The following FAF1 variants were observed in gnomAD, a reference collection of about 807,000 sequenced individuals.
FAF1 encodes the protein Fas associated factor 1, also known as FAS-associated factor 1.
FAF1 carries 25 observed loss-of-function variants against 92.5 expected under a neutral mutation model. That is an observed-to-expected ratio of 0.27 (90% confidence interval 0.20 to 0.38). The LOEUF is 0.38. Among genes scored for constraint, FAF1 ranks in the 10% least tolerant of loss-of-function variants. The pLI, the probability that FAF1 is intolerant of heterozygous loss-of-function variation, is 1.00. For synonymous variants in FAF1, 234 were observed against 273.2 expected (o/e 0.86, Z 1.42); for missense variants, 636 against 793.3 (o/e 0.80, Z 2.38).
chr1:50,484,282 A>G (rs1646735880), intron 17 of FAF1, among the ~76,000 whole-genome samples: 1 of 152,160 alleles, frequency 6.6e-6, no homozygotes, highest in African/African-American at 2.4e-5. Context: ...CATATTTCCT[A>G]AATCAAAATT....
chr1:50,945,531 T>C (rs375071397), intron 1 of FAF1, among the ~76,000 whole-genome samples: 1 of 152,358 alleles, frequency 6.6e-6, no homozygotes, highest in Non-Finnish European at 1.5e-5. Context: ...TTATGATAGT[T>C]GATATTCGTC....
intron 8 of FAF1, among the ~76,000 whole-genome samples, chr1:50,645,596 G>A (rs989655512): frequency 1.9e-4 from 29 of 152,278 alleles, no homozygotes; most frequent in African/African-American, 6.0e-4. Flanking sequence ...GGCCGAAGGC[G>A]GGGAGAACCT....
intron 8 of FAF1, among the ~76,000 whole-genome samples, chr1:50,653,711 C>T (rs1348722026): frequency 1.3e-5 from 2 of 151,988 alleles, no homozygotes; most frequent in African/African-American, 4.8e-5. Flanking sequence ...ATTAAACATA[C>T]AAAAATTACC....
intron 7 of FAF1, among the ~76,000 whole-genome samples, chr1:50,696,159 C>G (rs1024749267): frequency 2.6e-4 from 39 of 152,200 alleles, no homozygotes; most frequent in African/African-American, 9.4e-4. Flanking sequence ...GCCTAGCTCT[C>G]TCATTCCATA....
intron 15 of FAF1, among the ~76,000 whole-genome samples, chr1:50,515,151 T>A (rs962302452): frequency 6.6e-6 from 1 of 152,156 alleles, no homozygotes; most frequent in Non-Finnish European, 1.5e-5. Flanking sequence ...GATACATATA[T>A]AAGCTTAGAA....
chr1:50,762,152 A>C (rs1433000110), intron 4 of FAF1, among the ~76,000 whole-genome samples: 1 of 152,060 alleles, frequency 6.6e-6, no homozygotes, highest in Non-Finnish European at 1.5e-5. Flanking sequence ...GGACCTCTTC[A>C]AGGAGAACTA....
intron 2 of FAF1, among the ~76,000 whole-genome samples, chr1:50,833,305 G>GA (rs1202405311): frequency 6.6e-6 from 1 of 151,568 alleles, no homozygotes; most frequent in African/African-American, 2.4e-5. Flanking sequence ...CAGAACTCAG[G>GA]AAAATGCTTT....
At chr1:50,472,077 T>C (rs1646579792) in intron 18 of FAF1, among the ~76,000 whole-genome samples, 1 of 151,998 alleles carries the variant, frequency 6.6e-6, no homozygotes, top group African/African-American at 2.4e-5. Context: ...AATCAGCTTT[T>C]CTGGGAAGGG....
chr1:50,679,179 TGTG>T (rs1459492952), intron 7 of FAF1, among the ~76,000 whole-genome samples: 2 of 152,184 alleles, frequency 1.3e-5, no homozygotes, highest in African/African-American at 4.8e-5. Context: ...AACTGCTATA[TGTG>T]GCAACAAAAT....
chr1:50,547,209 A>C (rs1436352862), intron 13 of FAF1, among the ~76,000 whole-genome samples: 2 of 151,476 alleles, frequency 1.3e-5, no homozygotes, highest in Admixed American at 6.6e-5. Flanking sequence ...TTTTTTTCTA[A>C]ACAGACAATA....
At chr1:50,556,502 T>C (rs921350127) in intron 13 of FAF1, among the ~76,000 whole-genome samples, 3 of 152,110 alleles carry the variant, frequency 2.0e-5, no homozygotes, top group African/African-American at 7.2e-5. Flanking sequence ...TTCATCCATG[T>C]AACTAAAAAC....
intron 2 of FAF1, among the ~76,000 whole-genome samples, chr1:50,820,384 C>T (rs1365160234): frequency 6.6e-6 from 1 of 151,920 alleles, no homozygotes; most frequent in African/African-American, 2.4e-5. Flanking sequence ...TCAAGGTGTA[C>T]AATGTGATGA....
intron 18 of FAF1, among the ~76,000 whole-genome samples, chr1:50,465,747 C>T (rs1646486713): frequency 6.6e-6 from 1 of 151,994 alleles, no homozygotes; most frequent in African/African-American, 2.4e-5. Context: ...GGTTGGTCAG[C>T]AAAGGCCTCA....
chr1:50,610,761 G>C (rs1407518253), intron 8 of FAF1, among the ~76,000 whole-genome samples: 1 of 151,940 alleles, frequency 6.6e-6, no homozygotes, highest in African/African-American at 2.4e-5. Context: ...ACACCTGTTA[G>C]GCTTCTTCAT....
At chr1:50,715,267 T>TA (rs1285724364) in intron 6 of FAF1, among the ~76,000 whole-genome samples, 1 of 152,210 alleles carries the variant, frequency 6.6e-6, no homozygotes, top group Non-Finnish European at 1.5e-5. Context: ...CATATCACCT[T>TA]ATAATTTTTC....
At chr1:50,762,892 G>C (rs761689853) in intron 4 of FAF1, among the ~76,000 whole-genome samples, 1 of 152,174 alleles carries the variant, frequency 6.6e-6, no homozygotes, top group Non-Finnish European at 1.5e-5. Context: ...TACCATCAGA[G>C]TGAACAGGCA....
At chr1:50,745,156 C>T (rs904199996) in intron 4 of FAF1, among the ~76,000 whole-genome samples, 2 of 151,988 alleles carry the variant, frequency 1.3e-5, no homozygotes, top group Non-Finnish European at 2.9e-5. Flanking sequence ...AAAAAATTAG[C>T]CAAGCGTGGT....
intron 1 of FAF1, among the ~76,000 whole-genome samples, chr1:50,956,248 C>T (rs1056945177): frequency 6.6e-6 from 1 of 151,920 alleles, no homozygotes; most frequent in Non-Finnish European, 1.5e-5. Context: ...AATAAATTCA[C>T]CCATCTATAA....
intron 2 of FAF1, among the ~76,000 whole-genome samples, chr1:50,855,975 T>C (rs1644388111): frequency 6.6e-6 from 1 of 151,842 alleles, no homozygotes; most frequent in South Asian, 2.1e-4. Flanking sequence ...GAAGAGTACC[T>C]TACCATTCAA....
Sources: allele counts gnomAD v4.1 joint callset (sites outside exome capture counted in the v4.1 genomes callset), GRCh38; gene constraint gnomAD v4.1.1; transcripts MANE v1.5; gene names NCBI Gene and HGNC (gene_info 2026-07-23, HGNC 2026-07-21).